DCHS2: variants seen among roughly 807,000 people sequenced by gnomAD.
The protein encoded by DCHS2 is protocadherin-23.
In DCHS2, 142 loss-of-function variants were observed where a neutral mutation model predicts 182.4. That is an observed-to-expected ratio of 0.78 (90% CI 0.68 to 0.89). DCHS2 has a LOEUF of 0.89. Among genes scored for constraint, DCHS2 ranks in the 40% least tolerant of loss-of-function variants. The pLI is 0.00. For synonymous variants in DCHS2, 1,740 were observed against 1,663.3 expected, an observed-to-expected ratio of 1.05 and a Z score of -1.12; for missense variants, 4,319 against 4,198.6, an observed-to-expected ratio of 1.03 and a Z score of -0.79.
intron 13 of DCHS2, among the ~76,000 whole-genome samples, chr4:154,280,877 G>C (rs1734103021): frequency 1.3e-5 from 2 of 150,684 alleles, no homozygotes; most frequent in African/African-American, 4.9e-5. Flanking sequence ...ACCCAGGCTA[G>C]AGTGCAACGG....
At chr4:154,357,317 A>G in intron 3 of DCHS2, 1 of 1,607,726 alleles carries the variant, frequency 6.2e-7, no homozygotes, top group Non-Finnish European at 8.5e-7. Context: ...CCTCTGGACT[A>G]TAGAGTCCTA....
intron 7 of DCHS2, among the ~76,000 whole-genome samples, chr4:154,326,018 A>C (rs564935173): frequency 6.6e-6 from 1 of 152,344 alleles, no homozygotes; most frequent in East Asian, 1.9e-4. Flanking sequence ...TATTCCGTGA[A>C]TATACCATAT....
intron 1 of DCHS2, among the ~76,000 whole-genome samples, chr4:154,433,434 C>T (rs1223811071): frequency 1.1e-4 from 13 of 116,202 alleles, no homozygotes; most frequent in Admixed American, 3.7e-4. Context: ...CTTGCTCTGT[C>T]GCTAGGCTGG....
At position 154,332,882 on chromosome 4, in the gene DCHS2, T is replaced by C. The variant is rs777577872; in HGVS notation, c.3326A>G (p.His1109Arg). ...PMTQMLQTQA[H>R]PLGPQRAASP... ...GGCTGCACGCTGGGGGCCAAGTGGG[T>C]GCGCCTGTGTTTGCAGCATTTGTGT... Residue 1109 changes from histidine (H) to arginine (R), a missense_variant, in exon 5 of 20, where the codon CAC (histidine) becomes CGC (arginine). Physicochemically the swap from His to Arg is conservative, Grantham distance 29. Coordinates refer to ENST00000357232, the MANE Select transcript of DCHS2 (RefSeq NM_001358235.2). 3.7e-6 allele frequency: 6 copies of C among 1,614,174 alleles called. No individual in the cohort carries two copies. The Admixed American group carries it at 8.3e-5, about 22-fold the overall frequency.
chr4:154,272,613 G>T (rs184851120), intron 13 of DCHS2, among the ~76,000 whole-genome samples: 54 of 152,108 alleles, frequency 3.6e-4, no homozygotes, highest in African/African-American at 1.2e-3. Flanking sequence ...GCCATGTAAG[G>T]CATGCCTCCA....
intron 13 of DCHS2, among the ~76,000 whole-genome samples, chr4:154,278,014 C>T (rs11099945): frequency 0.98 from 146,462 of 149,534 alleles, 71,799 homozygotes; most frequent in Middle Eastern, 1. Context: ...GCACTCCAGC[C>T]TGGGCAACAG....
At chr4:154,270,126 G>C (rs4386583) in intron 13 of DCHS2, 113 bp from the exon 14 acceptor site, 719,993 of 1,295,040 alleles carry the variant, frequency 0.56, 204,668 homozygotes, top group Non-Finnish European at 0.58. Flanking sequence ...CTTGTTCATT[G>C]ATTCAACAAT....
intron 16 of DCHS2, among the ~76,000 whole-genome samples, chr4:154,249,963 A>G (rs1578856565): frequency 6.6e-6 from 1 of 152,252 alleles, no homozygotes; most frequent in East Asian, 1.9e-4. Context: ...AGTACAACAC[A>G]CCTATGTAAC....
At chr4:154,349,668 T>C (rs1729516921) in intron 3 of DCHS2, among the ~76,000 whole-genome samples, 1 of 152,192 alleles carries the variant, frequency 6.6e-6, no homozygotes, top group South Asian at 2.1e-4. Flanking sequence ...TCATGTCTAC[T>C]TAGGGTTCAA....
chr4:154,490,528 G>A lies in DCHS2; in HGVS notation c.828C>T (p.Arg276=), dbSNP rs1440339329. The A allele has an allele frequency of 6.5e-7, 1 of 1,536,662 alleles. No individual in the cohort carries two copies. The highest frequency in any genetic ancestry group is 1.2e-5 in the South Asian group (1 of 83,870). ...IEAWDGGRPR[R]TGLLSVELRV... ...GCAGCTCCACGCTCAGGAGGCCGGT[G>A]CGCCGGGGTCGGCCGCCGTCCCATG... The change falls in exon 1 of 20, where the codon CGC becomes CGT. Residue 276 remains arginine (R), a synonymous_variant. Coordinates refer to ENST00000357232, the MANE Select transcript of DCHS2 (RefSeq NM_001358235.2).
chr4:154,327,951 G>A (rs985287858), intron 7 of DCHS2, 142 bp downstream of exon 7: 1 of 468,184 alleles, frequency 2.1e-6, no homozygotes, highest in Admixed American at 4.3e-5. Context: ...AATGTATTTT[G>A]TTTGTAACTT....
chr4:154,365,912 T>C (rs1484854599), intron 3 of DCHS2, among the ~76,000 whole-genome samples: 2 of 151,560 alleles, frequency 1.3e-5, no homozygotes, highest in Non-Finnish European at 2.9e-5. Flanking sequence ...CCCCCCAAAG[T>C]GCTGGGATTA....
chr4:154,272,456 G>C (rs961679492), intron 13 of DCHS2, among the ~76,000 whole-genome samples: 2 of 151,980 alleles, frequency 1.3e-5, no homozygotes, highest in African/African-American at 4.8e-5. Context: ...TAATCTTCAC[G>C]TGTCAAGGGA....
At chr4:154,334,454 A>C (rs1728681800) in intron 4 of DCHS2, 1 of 161,256 alleles carries the variant, frequency 6.2e-6, no homozygotes, top group Non-Finnish European at 1.4e-5. Context: ...TCTTTTAAGG[A>C]AACAGAATGG....
intron 3 of DCHS2, among the ~76,000 whole-genome samples, chr4:154,358,090 G>A (rs1408216374): frequency 6.6e-6 from 1 of 152,124 alleles, no homozygotes; most frequent in Non-Finnish European, 1.5e-5. Flanking sequence ...TGACAAGGTG[G>A]ATCTCCTTTG....
intron 16 of DCHS2, among the ~76,000 whole-genome samples, chr4:154,253,942 C>T (rs1266378576): frequency 4.6e-5 from 7 of 152,140 alleles, no homozygotes; most frequent in African/African-American, 7.2e-5. Context: ...CCTGTGTTTT[C>T]CTTAAACAGG....
At chr4:154,440,422 C>T (rs758322913) in intron 1 of DCHS2, among the ~76,000 whole-genome samples, 24 of 152,034 alleles carry the variant, frequency 1.6e-4, no homozygotes, top group Non-Finnish European at 2.9e-4. Context: ...CTTCTATCAG[C>T]GATTCTCAAC....
chr4:154,331,805 T>G, intron 5 of DCHS2: 1 of 1,401,018 alleles, frequency 7.1e-7, no homozygotes, highest in Non-Finnish European at 9.6e-7. Flanking sequence ...TTCCCGGGTA[T>G]GTATTTGCAG....
intron 1 of DCHS2, among the ~76,000 whole-genome samples, chr4:154,379,707 GC>G (rs538881751): frequency 6.0e-4 from 91 of 152,194 alleles, no homozygotes; most frequent in African/African-American, 2.1e-3. Context: ...AAAATAATAA[GC>G]TTTTCATCAA....
Sources: gnomAD v4.1 joint callset for allele counts (sites outside exome capture counted in the v4.1 genomes callset) on GRCh38, gnomAD v4.1.1 for gene constraint, MANE v1.5 for transcripts, NCBI Gene and HGNC (gene_info 2026-07-23, HGNC 2026-07-21) for gene names.